FBLN2: variants seen among roughly 807,000 people sequenced by gnomAD.
FBLN2 encodes fibulin-2.
A neutral mutation model predicts 123.7 loss-of-function variants in FBLN2; 81 were observed. The observed-to-expected ratio is 0.65, with a 90% CI of 0.55 to 0.79. FBLN2 has a LOEUF of 0.79. FBLN2 is among the 30% of genes least tolerant of loss of function. FBLN2 has a pLI of 0.00. For synonymous variants in FBLN2, 699 were observed against 701.4 expected, an observed-to-expected ratio of 1.00 and a Z score of 0.05; for missense variants, 1,603 against 1,681.3, an observed-to-expected ratio of 0.95 and a Z score of 0.81.
intron 2 of FBLN2, among the ~76,000 whole-genome samples, chr3:13,580,848 C>T (rs1704302384): frequency 6.6e-6 from 1 of 152,224 alleles, no homozygotes; most frequent in African/African-American, 2.4e-5. Flanking sequence ...ATTATTGCTC[C>T]CAAGTCCACG....
intron 10 of FBLN2, 21 bp downstream of exon 10, chr3:13,626,600 C>A (rs1353582967): frequency 9.8e-6 from 15 of 1,524,732 alleles, no homozygotes; most frequent in Non-Finnish European, 1.3e-5. Flanking sequence ...CCCAGAAGGA[C>A]CAACTGGAGG....
At chr3:13,553,885 G>A (rs749186285) in intron 1 of FBLN2, among the ~76,000 whole-genome samples, 12 of 152,232 alleles carry the variant, frequency 7.9e-5, no homozygotes, top group Middle Eastern at 3.2e-3. Flanking sequence ...CGGGCTTCTG[G>A]TTGCTCATCT....
In FBLN2 at chr3:13,638,328, A is replaced by G. The variant is rs1407820124; in HGVS notation, c.*409A>G. 2 of 414,786 alleles carry G rather than the reference A, an allele frequency of 4.8e-6. No individual in the cohort carries two copies. Among genetic ancestry groups the G allele is most frequent in the Non-Finnish European group, 9.0e-6 (2 of 222,436 alleles). 25.7% of individuals were successfully genotyped at this position (414,786 alleles called of 1,614,324 possible). On this transcript the variant is annotated 3_prime_UTR_variant, in exon 18 of 18. Coordinates refer to ENST00000404922, the MANE Select transcript of FBLN2 (RefSeq NM_001004019.2). ...AAATCATTTTAAAGTTTTTTGTTTA[A>G]CTATAAAGTAGTACATGTACATTAT...
Position 13,637,551 on chromosome 3 carries a change from C to G in FBLN2, c.3339-11C>G. ...GCGAGCTGTGGGTGACCCGGCCTAT[C>G]CTCCCTGCAGGAAGTGCGAGCGCAC... On this transcript the variant is annotated splice_polypyrimidine_tract_variant and intron_variant, in intron 17 of 17. Transcript: ENST00000404922. The G allele has an allele frequency of 6.3e-7, 1 of 1,590,576 alleles. No individual in the cohort carries two copies. The highest frequency in any genetic ancestry group is 8.6e-7 in the Non-Finnish European group (1 of 1,165,242).
At position 13,564,360 on chromosome 3, in the gene FBLN2, T is replaced by C. The variant is rs1703684941; in HGVS notation, c.-41-5955T>C. ...GTTTGCAAGTCCCAGTGTTTTGATA[T>C]AGCTGCTTATTATTTTTTTAAAAGA... is the stretch of plus-strand genomic sequence containing the variant. On this transcript the variant is annotated intron_variant, in intron 1 of 17. Transcript: ENST00000404922. Among the ~76,000 whole-genome samples, 5 of 152,228 alleles carry C rather than the reference T, an allele frequency of 3.3e-5. 2 individuals carry two copies. The highest frequency in any genetic ancestry group is 3.3e-4 in the Admixed American group (5 of 15,284).
chr3:13,604,849 C>T (rs141044329), intron 2 of FBLN2, among the ~76,000 whole-genome samples: 380 of 152,338 alleles, frequency 2.5e-3, no homozygotes, highest in African/African-American at 8.0e-3. Context: ...GGTAACTTGC[C>T]GTGCCTGCTA....
In FBLN2 at chr3:13,585,955, C is replaced by T. The variant is rs555348444; in HGVS notation, c.1306+14294C>T. Among the ~76,000 whole-genome samples the T allele has an allele frequency of 9.9e-4, 151 of 152,284 alleles. 1 individual carries two copies. In the South Asian group the frequency reaches 0.03, roughly 30 times the overall value. ...TACTGTGCGCTAGTGTGTTATTTGG[C>T]TTTCTACTTATTTGAAAAATAGTTA... On this transcript the variant is annotated intron_variant, in intron 2 of 17. Transcript: ENST00000404922.
intron 5 of FBLN2, among the ~76,000 whole-genome samples, chr3:13,616,383 A>G (rs1282570549): frequency 1.3e-5 from 2 of 152,172 alleles, no homozygotes; most frequent in South Asian, 2.1e-4. Flanking sequence ...TGTGAGGAAG[A>G]TGCTGGTGAG....
intron 4 of FBLN2, among the ~76,000 whole-genome samples, chr3:13,612,404 G>A (rs1705434948): frequency 7.2e-6 from 1 of 139,628 alleles, no homozygotes; most frequent in Non-Finnish European, 1.5e-5. Context: ...CTTTCTTGAC[G>A]GAGTCTCGCT....
intron 9 of FBLN2, among the ~76,000 whole-genome samples, chr3:13,625,430 C>T (rs919557998): frequency 6.6e-6 from 1 of 152,166 alleles, no homozygotes; most frequent in African/African-American, 2.4e-5. Context: ...CCTCAGCCAT[C>T]TGACCATTCT....
intron 1 of FBLN2, chr3:13,568,685 C>A: frequency 1.2e-6 from 1 of 814,140 alleles, no homozygotes; most frequent in Non-Finnish European, 1.5e-6. Flanking sequence ...CCCTCCTCTT[C>A]CGCCGGACTG....
At chr3:13,632,492 G>T (rs371099789) in intron 16 of FBLN2, among the ~76,000 whole-genome samples, 1 of 152,332 alleles carries the variant, frequency 6.6e-6, no homozygotes, top group South Asian at 2.1e-4. Flanking sequence ...AGTGCAGGCT[G>T]GTGGTTGCTA....
intron 5 of FBLN2, among the ~76,000 whole-genome samples, chr3:13,616,111 G>A (rs1705594464): frequency 6.6e-6 from 1 of 152,186 alleles, no homozygotes; most frequent in African/African-American, 2.4e-5. Flanking sequence ...AGATCAACCA[G>A]AACAGATGTA....
intron 9 of FBLN2, among the ~76,000 whole-genome samples, chr3:13,622,212 A>G (rs1246760357): frequency 6.6e-6 from 1 of 152,144 alleles, no homozygotes. Context: ...AGGGGGTCAG[A>G]CATGCTGGGA....
At chr3:13,626,303 C>T (rs1466352545) in intron 9 of FBLN2, 142 bp from the exon 10 acceptor site, 3 of 777,720 alleles carry the variant, frequency 3.9e-6, no homozygotes, top group Non-Finnish European at 5.8e-6. Flanking sequence ...GGTGCCGAGA[C>T]ATCAGCCACA....
In FBLN2 at chr3:13,579,047, C is replaced by T. The variant is rs1704237256; in HGVS notation, c.1306+7386C>T. On this transcript the variant is annotated intron_variant, in intron 2 of 17. Coordinates refer to ENST00000404922, the MANE Select transcript of FBLN2 (RefSeq NM_001004019.2). ...TCCAGCCTGGGCAGCAAGAGTGAAA[C>T]TCCGTCTCAAAAAAAAGAGAACTAT... is the stretch of plus-strand genomic sequence containing the variant. 2.0e-5 allele frequency among the ~76,000 whole-genome samples: 3 copies of T among 152,114 alleles called. No individual in the cohort carries two copies. The South Asian group carries it at 6.2e-4, about 32-fold the overall frequency.
chr3:13,570,322 C>T lies in FBLN2; in HGVS notation c.-34C>T, dbSNP rs1198240287. 1 of 1,489,858 alleles carries T rather than the reference C, an allele frequency of 6.7e-7. No homozygotes were observed. The highest frequency in any genetic ancestry group is 9.0e-7 in the Non-Finnish European group (1 of 1,115,926). The allele number at this position is 1,489,858 out of a possible 1,614,324, so 92.3% of individuals were successfully genotyped here. A position where few individuals can be genotyped will look rare whatever the true frequency, so the allele number is the denominator to read the frequency against. On this transcript the variant is annotated 5_prime_UTR_variant, in exon 2 of 18. Coordinates refer to ENST00000404922, the MANE Select transcript of FBLN2 (RefSeq NM_001004019.2). Reference sequence around the variant, plus strand: ...CCTTTCTGATTCCCCCAGGGTCTTACAGGAGAGGGGACCGTCCTGGGCTGG... The same window carrying T: ...CCTTTCTGATTCCCCCAGGGTCTTATAGGAGAGGGGACCGTCCTGGGCTGG...
At chr3:13,619,406 C>G (rs1705764762) in intron 7 of FBLN2, among the ~76,000 whole-genome samples, 1 of 152,160 alleles carries the variant, frequency 6.6e-6, no homozygotes, top group African/African-American at 2.4e-5. Flanking sequence ...TTTTCCCTGC[C>G]CCCTTCCCTT....
intron 1 of FBLN2, among the ~76,000 whole-genome samples, chr3:13,552,788 C>A (rs1453850099): frequency 6.6e-6 from 1 of 152,102 alleles, no homozygotes; most frequent in Non-Finnish European, 1.5e-5. Context: ...CTATGAAACC[C>A]TTTGCCAGGG....
Sources: allele counts gnomAD v4.1 joint callset (sites outside exome capture counted in the v4.1 genomes callset), GRCh38; gene constraint gnomAD v4.1.1; transcripts MANE v1.5; gene names NCBI Gene and HGNC (gene_info 2026-07-23, HGNC 2026-07-21).